LDLRAD3: variants seen among roughly 807,000 people sequenced by gnomAD.
The protein encoded by LDLRAD3 is low-density lipoprotein receptor class A domain-containing protein 3.
Under a neutral mutation model 29.4 loss-of-function variants are expected in LDLRAD3, and 20 were observed. The observed-to-expected ratio is 0.68, with a 90% CI of 0.48 to 0.99. The LOEUF (loss-of-function observed/expected upper bound fraction) is 0.99. Among genes scored for constraint, LDLRAD3 ranks in the 50% least tolerant of loss-of-function variants. The pLI is 0.00. For missense variants in LDLRAD3, 420 were observed against 454.3 expected, an observed-to-expected ratio of 0.92 and a Z score of 0.69; for synonymous variants, 157 against 192.7, an observed-to-expected ratio of 0.81 and a Z score of 1.53.
intron 4 of LDLRAD3, among the ~76,000 whole-genome samples, chr11:36,143,090 G>A (rs1854110572): frequency 6.6e-6 from 1 of 152,218 alleles, no homozygotes; most frequent in African/African-American, 2.4e-5. Context: ...TCACCAGTGA[G>A]GCGGGTGGGG....
chr11:36,038,584 A>T (rs1456883254), intron 2 of LDLRAD3, among the ~76,000 whole-genome samples: 3 of 152,342 alleles, frequency 2.0e-5, no homozygotes, highest in Non-Finnish European at 4.4e-5. Flanking sequence ...CTGTCACTCC[A>T]GTCTCATGAT....
intron 5 of LDLRAD3, among the ~76,000 whole-genome samples, chr11:36,228,595 A>G (rs962374337): frequency 1.3e-5 from 2 of 152,250 alleles, no homozygotes; most frequent in Admixed American, 6.5e-5. Context: ...TGTAAGGGGC[A>G]TGGCAAAGTG....
At chr11:35,999,412 G>A (rs1590197137) in intron 1 of LDLRAD3, among the ~76,000 whole-genome samples, 1 of 152,160 alleles carries the variant, frequency 6.6e-6, no homozygotes, top group Non-Finnish European at 1.5e-5. Flanking sequence ...GAGAAACGGC[G>A]TTTAAAGCAG....
At chr11:36,170,715 G>GA (rs1222464807) in intron 4 of LDLRAD3, among the ~76,000 whole-genome samples, 2 of 151,970 alleles carry the variant, frequency 1.3e-5, no homozygotes, top group Admixed American at 1.3e-4. Flanking sequence ...GAGTAAGGTG[G>GA]AATCACATTG....
At position 36,231,205 on chromosome 11, in the gene LDLRAD3, A is replaced by T. The variant is rs1379162435; in HGVS notation, c.*1808A>T. On this transcript the variant is annotated 3_prime_UTR_variant, in exon 6 of 6. Transcript: ENST00000315571. ...AGTGGGGCTAAAGTGGCATTCAGTG[A>T]TCCTGTTCTGTAGACTTTTCTTTCT... 1 of 152,350 alleles carries T rather than the reference A, an allele frequency of 6.6e-6. No individual in the cohort carries two copies. Among genetic ancestry groups the T allele is most frequent in the African/African-American group, 2.4e-5 (1 of 41,400 alleles). 9.4% of individuals were successfully genotyped at this position (152,350 alleles called of 1,614,324 possible). A position where few individuals can be genotyped will look rare whatever the true frequency, so the allele number is the denominator to read the frequency against.
chr11:35,948,207 AG>A (rs1419232114), intron 1 of LDLRAD3, among the ~76,000 whole-genome samples: 1 of 152,212 alleles, frequency 6.6e-6, no homozygotes, highest in African/African-American at 2.4e-5. Flanking sequence ...TAAAAAAATA[AG>A]GTACTTTCCA....
chr11:36,186,317 A>G (rs1854847757), intron 4 of LDLRAD3, among the ~76,000 whole-genome samples: 3 of 152,202 alleles, frequency 2.0e-5, no homozygotes, highest in Non-Finnish European at 4.4e-5. Flanking sequence ...AATATGAGAT[A>G]TCATGGTTAT....
At chr11:36,150,491 G>A (rs1053569093) in intron 4 of LDLRAD3, among the ~76,000 whole-genome samples, 18 of 152,060 alleles carry the variant, frequency 1.2e-4, no homozygotes, top group Non-Finnish European at 2.2e-4. Context: ...TTGTACCAGT[G>A]CACTCCAGCG....
At chr11:36,086,046 T>A (rs1853191204) in intron 3 of LDLRAD3, among the ~76,000 whole-genome samples, 1 of 152,194 alleles carries the variant, frequency 6.6e-6, no homozygotes, top group South Asian at 2.1e-4. Context: ...TATATAGTGT[T>A]TTGTTTTGTT....
chr11:36,127,755 A>G (rs115416618), intron 4 of LDLRAD3, among the ~76,000 whole-genome samples: 3,394 of 152,214 alleles, frequency 0.022, 122 homozygotes, highest in African/African-American at 0.078. Flanking sequence ...TTAGGATGTA[A>G]GGGCTCAGAG....
intron 4 of LDLRAD3, among the ~76,000 whole-genome samples, chr11:36,218,049 G>A (rs1855376502): frequency 6.6e-6 from 1 of 152,162 alleles, no homozygotes; most frequent in Middle Eastern, 3.2e-3. Context: ...TACAGATGGT[G>A]CAAGGATTAA....
intron 4 of LDLRAD3, among the ~76,000 whole-genome samples, chr11:36,214,840 G>C (rs1007079473): frequency 6.6e-6 from 1 of 152,210 alleles, no homozygotes; most frequent in African/African-American, 2.4e-5. Context: ...ACTTCACAGG[G>C]CCACAGAGTT....
At chr11:36,205,040 T>A (rs1296270163) in intron 4 of LDLRAD3, among the ~76,000 whole-genome samples, 2 of 152,146 alleles carry the variant, frequency 1.3e-5, no homozygotes, top group Non-Finnish European at 2.9e-5. Context: ...TCCTCTTCAT[T>A]TATAAGTGAC....
intron 1 of LDLRAD3, among the ~76,000 whole-genome samples, chr11:35,948,014 T>A (rs983232942): frequency 1.3e-5 from 2 of 152,186 alleles, no homozygotes; most frequent in African/African-American, 4.8e-5. Context: ...GATGAAACTT[T>A]TTCAGACTAA....
At position 35,964,756 on chromosome 11, in the gene LDLRAD3, G is replaced by A. The variant is rs567255805; in HGVS notation, c.46+20612G>A. On this transcript the variant is annotated intron_variant, in intron 1 of 5. Coordinates refer to ENST00000315571, the MANE Select transcript of LDLRAD3 (RefSeq NM_174902.4). ...TAATCCTAGCACTTGGGGAGGCTGA[G>A]GTGGGAGGATCACTTGAGCCCTGGC... Among the ~76,000 whole-genome samples the A allele has an allele frequency of 2.6e-5, 4 of 152,300 alleles. No homozygotes were observed. In the South Asian group the frequency reaches 8.3e-4, roughly 32 times the overall value.
At chr11:36,166,069 A>C (rs1455611656) in intron 4 of LDLRAD3, among the ~76,000 whole-genome samples, 2 of 151,064 alleles carry the variant, frequency 1.3e-5, no homozygotes, top group Non-Finnish European at 2.9e-5. Context: ...GGGCTGACAG[A>C]GGGAAATTGA....
intron 1 of LDLRAD3, among the ~76,000 whole-genome samples, chr11:35,979,521 C>T (rs1396215665): frequency 6.6e-6 from 1 of 152,150 alleles, no homozygotes; most frequent in East Asian, 1.9e-4. Flanking sequence ...TGAGGTTGAC[C>T]ATGGCTTAGT....
chr11:36,068,711 T>A (rs1852839557), intron 2 of LDLRAD3, among the ~76,000 whole-genome samples: 1 of 152,112 alleles, frequency 6.6e-6, no homozygotes, highest in Admixed American at 6.5e-5. Context: ...AGAGATGGGG[T>A]TTCACCGTGT....
intron 4 of LDLRAD3, among the ~76,000 whole-genome samples, chr11:36,212,348 T>C (rs1343039976): frequency 6.6e-6 from 1 of 151,938 alleles, no homozygotes; most frequent in African/African-American, 2.4e-5. Flanking sequence ...GTAGGAGAGG[T>C]AGCAAAGAAC....
Sources: gnomAD v4.1 joint callset for allele counts (sites outside exome capture counted in the v4.1 genomes callset) on GRCh38, gnomAD v4.1.1 for gene constraint, MANE v1.5 for transcripts, NCBI Gene and HGNC (gene_info 2026-07-23, HGNC 2026-07-21) for gene names.